GABRA4: variants seen among roughly 807,000 people sequenced by gnomAD.
GABRA4 encodes the protein gamma-aminobutyric acid receptor subunit alpha-4.
Under a neutral mutation model 49.7 loss-of-function variants are expected in GABRA4, and 12 were observed. The observed-to-expected ratio is 0.24, with a 90% CI of 0.15 to 0.39. The LOEUF (loss-of-function observed/expected upper bound fraction) is 0.39, where lower values mean the gene tolerates loss of function less well. Among genes scored for constraint, GABRA4 ranks in the 10% least tolerant of loss-of-function variants. The pLI is 1.00. For synonymous variants in GABRA4, 288 were observed against 240.2 expected (o/e 1.20, Z -1.84); for missense variants, 506 against 686.0 (o/e 0.74, Z 2.93).
At chr4:46,986,960 G>T (rs1179819183) in intron 2 of GABRA4, among the ~76,000 whole-genome samples, 2 of 152,082 alleles carry the variant, frequency 1.3e-5, no homozygotes, top group African/African-American at 4.8e-5. Flanking sequence ...CTTGGTCAAA[G>T]TATCCATCAT....
intron 8 of GABRA4, among the ~76,000 whole-genome samples, chr4:46,933,613 A>G (rs1019719960): frequency 3.3e-5 from 5 of 152,156 alleles, no homozygotes; most frequent in African/African-American, 1.2e-4. Flanking sequence ...ATGACAGACC[A>G]CAAAAGGAAT....
chr4:46,959,819 T>A (rs1722504733), intron 8 of GABRA4, among the ~76,000 whole-genome samples: 2 of 84,648 alleles, frequency 2.4e-5, no homozygotes, highest in African/African-American at 8.1e-5. Context: ...AAAAATTATG[T>A]ATATATATAT....
chr4:46,967,618 C>A (rs1324161425), intron 7 of GABRA4, among the ~76,000 whole-genome samples: 2 of 151,586 alleles, frequency 1.3e-5, no homozygotes, highest in African/African-American at 4.8e-5. Context: ...CAAACAGAAA[C>A]CAACTCTTCA....
chr4:46,959,758 C>CAAAAAAAAAAAAAAAAAAAAA (rs67861758), intron 8 of GABRA4, among the ~76,000 whole-genome samples: 1 of 82,692 alleles, frequency 1.2e-5, no homozygotes, highest in African/African-American at 4.9e-5. Flanking sequence ...CATCACTTTG[C>CAAAAAAAAAAAAAAAAAAAAA]AAAAAAAAAA....
chr4:46,943,969 T>C (rs773371019), intron 8 of GABRA4, among the ~76,000 whole-genome samples: 6 of 151,994 alleles, frequency 3.9e-5, no homozygotes, highest in Non-Finnish European at 7.4e-5. Flanking sequence ...ATACCAGTGG[T>C]GGTGTGGGCC....
intron 7 of GABRA4, among the ~76,000 whole-genome samples, chr4:46,968,016 C>A (rs190927433): frequency 2.0e-5 from 3 of 151,554 alleles, no homozygotes; most frequent in East Asian, 2.0e-4. Context: ...GGACACTCTG[C>A]TCCTTTTATT....
chr4:46,979,159 G>A lies in GABRA4; in HGVS notation c.206-61C>T, dbSNP rs78436065. The A allele has an allele frequency of 1.2e-3, 1,251 of 1,030,092 alleles. 27 individuals carry two copies. The East Asian group carries it at 0.026, about 22-fold the overall frequency. 63.8% of individuals were successfully genotyped at this position (1,030,092 alleles called of 1,614,324 possible). On this transcript the variant is annotated intron_variant, in intron 2 of 8. Transcript: ENST00000264318. Reference sequence around the variant, plus strand: ...ATTACCAATTTTACAGGCTGGGAAGGTTAGATAATTACAGAGTAAATACAG... The same window carrying A: ...ATTACCAATTTTACAGGCTGGGAAGATTAGATAATTACAGAGTAAATACAG...
At chr4:46,961,365 T>C (rs915775272) in intron 8 of GABRA4, among the ~76,000 whole-genome samples, 3 of 151,872 alleles carry the variant, frequency 2.0e-5, no homozygotes, top group Non-Finnish European at 4.4e-5. Context: ...CCGCACTTCC[T>C]GTCCCCTTTA....
At chr4:46,944,028 G>A (rs150432272) in intron 8 of GABRA4, among the ~76,000 whole-genome samples, 1 of 152,120 alleles carries the variant, frequency 6.6e-6, no homozygotes, top group African/African-American at 2.4e-5. Context: ...TTTCAGTTAT[G>A]TAACATGAGT....
chr4:46,942,308 C>G (rs1221771044), intron 8 of GABRA4, among the ~76,000 whole-genome samples: 1 of 152,074 alleles, frequency 6.6e-6, no homozygotes, highest in African/African-American at 2.4e-5. Context: ...TTATGGTTTC[C>G]ACTTCTTCGT....
At chr4:46,931,033 A>G (rs1721415239) in intron 8 of GABRA4, among the ~76,000 whole-genome samples, 1 of 152,080 alleles carries the variant, frequency 6.6e-6, no homozygotes, top group Admixed American at 6.6e-5. Context: ...TAGAGTTCAC[A>G]GGACAAAGTA....
chr4:46,934,692 G>A (rs191070622), intron 8 of GABRA4, among the ~76,000 whole-genome samples: 173 of 152,292 alleles, frequency 1.1e-3, no homozygotes, highest in African/African-American at 4.0e-3. Context: ...TATATTTAGA[G>A]TTGAGGGTTT....
intron 2 of GABRA4, among the ~76,000 whole-genome samples, chr4:46,985,104 C>A (rs1723486550): frequency 6.6e-6 from 1 of 151,776 alleles, no homozygotes; most frequent in Non-Finnish European, 1.5e-5. Flanking sequence ...TGATCTATTG[C>A]AATATGCAAC....
chr4:46,976,354 CAAAAAAAAAAAA>C (rs71193888), intron 5 of GABRA4, among the ~76,000 whole-genome samples: 2 of 51,758 alleles, frequency 3.9e-5, no homozygotes, highest in African/African-American at 6.9e-5. Flanking sequence ...CACCCATTCT[CAAAAAAAAAAAA>C]AAAAAAAAAA....
At chr4:46,991,818 T>C (rs1723756387) in intron 2 of GABRA4, among the ~76,000 whole-genome samples, 1 of 152,252 alleles carries the variant, frequency 6.6e-6, no homozygotes, top group Non-Finnish European at 1.5e-5. Flanking sequence ...ATGCCTGGTA[T>C]ATGTGAACAT....
intron 8 of GABRA4, among the ~76,000 whole-genome samples, chr4:46,947,185 T>C (rs1429198222): frequency 2.0e-5 from 3 of 152,048 alleles, no homozygotes; most frequent in Non-Finnish European, 2.9e-5. Context: ...TCTAGCTTTT[T>C]AAGATATTCT....
intron 8 of GABRA4, among the ~76,000 whole-genome samples, chr4:46,946,351 C>T (rs1417575466): frequency 1.3e-5 from 2 of 152,020 alleles, no homozygotes; most frequent in Admixed American, 6.6e-5. Flanking sequence ...TTATATAGAG[C>T]GTGAGTCACT....
At chr4:46,988,329 T>C (rs1334274236) in intron 2 of GABRA4, among the ~76,000 whole-genome samples, 1 of 152,220 alleles carries the variant, frequency 6.6e-6, no homozygotes, top group Non-Finnish European at 1.5e-5. Flanking sequence ...CAGATCAGAA[T>C]GATATCTTCA....
At chr4:46,933,503 G>C (rs1460751516) in intron 8 of GABRA4, among the ~76,000 whole-genome samples, 1 of 152,072 alleles carries the variant, frequency 6.6e-6, no homozygotes, top group Non-Finnish European at 1.5e-5. Context: ...CTGATTTGAG[G>C]CTTAAATCAT....
Sources: allele counts gnomAD v4.1 joint callset (sites outside exome capture counted in the v4.1 genomes callset), GRCh38; gene constraint gnomAD v4.1.1; transcripts MANE v1.5; gene names NCBI Gene and HGNC (gene_info 2026-07-23, HGNC 2026-07-21).